The following ANK2 variants were observed in gnomAD, a reference collection of about 807,000 sequenced individuals.
ANK2 encodes ankyrin 2.
ANK2 carries 83 observed loss-of-function variants against 360.5 expected under a neutral mutation model. The ratio of observed to expected loss-of-function variants is 0.23; its 90% CI spans 0.19 to 0.28. ANK2 has a LOEUF of 0.28. ANK2 is among the 10% of genes least tolerant of loss of function. ANK2 has a pLI of 1.00. For synonymous variants in ANK2, 1,740 were observed against 1,759.5 expected (o/e 0.99, Z 0.28); for missense variants, 4,201 against 4,795.7 (o/e 0.88, Z 3.66).
intron 1 of ANK2, among the ~76,000 whole-genome samples, chr4:113,071,504 C>T (rs371448310): frequency 7.2e-5 from 11 of 152,258 alleles, no homozygotes; most frequent in South Asian, 2.1e-4. Flanking sequence ...GCTTCTCTTC[C>T]GAGACTCAAC....
intron 2 of ANK2, among the ~76,000 whole-genome samples, chr4:113,041,748 C>T (rs1381026613): frequency 6.6e-6 from 1 of 152,078 alleles, no homozygotes; most frequent in East Asian, 1.9e-4. Context: ...ACGTTTATTT[C>T]TCATAGGTTT....
At chr4:113,312,762 G>A (rs1362502891) in intron 24 of ANK2, among the ~76,000 whole-genome samples, 1 of 152,188 alleles carries the variant, frequency 6.6e-6, no homozygotes. Flanking sequence ...AGTGTTGCTG[G>A]AGTGTAAGTG....
intron 1 of ANK2, among the ~76,000 whole-genome samples, chr4:113,084,179 C>T (rs1404106606): frequency 6.6e-6 from 1 of 152,156 alleles, no homozygotes; most frequent in Non-Finnish European, 1.5e-5. Context: ...ACAGGCCAGG[C>T]CTGAAAGTGG....
intron 1 of ANK2, among the ~76,000 whole-genome samples, chr4:112,899,753 T>G (rs1174010287): frequency 1.3e-5 from 2 of 152,168 alleles, no homozygotes; most frequent in African/African-American, 4.8e-5. Flanking sequence ...AAATCCTTTG[T>G]CCATATCTGC....
chr4:113,201,557 T>C (rs2098831183), intron 4 of ANK2, among the ~76,000 whole-genome samples: 1 of 152,242 alleles, frequency 6.6e-6, no homozygotes, highest in Non-Finnish European at 1.5e-5. Context: ...TTAAATTCAA[T>C]TGTTCAGTGG....
At chr4:112,996,724 C>T (rs2048654881) in intron 2 of ANK2, among the ~76,000 whole-genome samples, 1 of 152,072 alleles carries the variant, frequency 6.6e-6, no homozygotes, top group African/African-American at 2.4e-5. Flanking sequence ...AAGCATTTGT[C>T]CTTTGAGTTA....
chr4:113,214,342 C>G, intron 4 of ANK2: 1 of 860,428 alleles, frequency 1.2e-6, no homozygotes, highest in Non-Finnish European at 1.9e-6. Flanking sequence ...ATAGGCTGCA[C>G]GTGGCCGCGG....
At chr4:112,719,840 C>A in the ANK2 span, among the ~76,000 whole-genome samples, 2 of 151,798 alleles carry the variant, frequency 1.3e-5, no homozygotes, top group Non-Finnish European at 2.9e-5. Flanking sequence ...GAGCTTGCAA[C>A]CTAAGATAGA....
At chr4:112,765,139 A>T in the ANK2 span, among the ~76,000 whole-genome samples, 1 of 152,236 alleles carries the variant, frequency 6.6e-6, no homozygotes, top group Admixed American at 6.5e-5. Context: ...GTTCATGCTG[A>T]ATATACCTCT....
intron 14 of ANK2, among the ~76,000 whole-genome samples, chr4:113,266,818 G>A (rs541047866): frequency 7.9e-5 from 12 of 152,156 alleles, no homozygotes; most frequent in African/African-American, 1.9e-4. Flanking sequence ...CGGAGGTTGC[G>A]GTGAGCTGAG....
intron 4 of ANK2, among the ~76,000 whole-genome samples, chr4:113,206,415 T>C (rs2098949050): frequency 6.6e-6 from 1 of 152,258 alleles, no homozygotes; most frequent in African/African-American, 2.4e-5. Flanking sequence ...GCAAAGGACA[T>C]GATCTTATTC....
intron 2 of ANK2, among the ~76,000 whole-genome samples, chr4:112,968,050 T>G (rs2154264437): frequency 6.6e-6 from 1 of 152,302 alleles, no homozygotes; most frequent in Non-Finnish European, 1.5e-5. Context: ...CCTCTCACCT[T>G]TTTTATTCCA....
intron 1 of ANK2, among the ~76,000 whole-genome samples, chr4:112,893,979 G>A (rs141220888): frequency 2.6e-5 from 4 of 152,164 alleles, no homozygotes; most frequent in East Asian, 3.9e-4. Flanking sequence ...CCTGGGCAAC[G>A]GAGCAACACT....
intron 22 of ANK2, among the ~76,000 whole-genome samples, chr4:113,296,964 A>C (rs908211964): frequency 6.6e-6 from 1 of 152,218 alleles, no homozygotes; most frequent in Non-Finnish European, 1.5e-5. Context: ...TAAAATAAAA[A>C]TATTATCTTA....
In ANK2 at chr4:113,258,030, C is replaced by G. The variant is rs1563221176; in HGVS notation, c.1189-20C>G. On this transcript the variant is annotated intron_variant, in intron 11 of 45. Transcript: ENST00000357077. Reference sequence around the variant, plus strand: ...ATTGTTTCTGCATGTTTTCAACTAACTTGATTGTCTTTTGCACAGAATGGT... The same window carrying G: ...ATTGTTTCTGCATGTTTTCAACTAAGTTGATTGTCTTTTGCACAGAATGGT... 1.9e-6 allele frequency: 3 copies of G among 1,603,824 alleles called. No homozygotes were observed. The highest frequency in any genetic ancestry group is 2.6e-6 in the Non-Finnish European group (3 of 1,170,646).
rs2096651464 is a variant in ANK2 at position 113,369,425 on chromosome 4, C to A, written c.11319-89C>A. ...TTGACTGTCATAGACTATGGAAAAA[C>A]CAGCTCCATCTTGCCTTTCGATTTC... On this transcript the variant is annotated intron_variant, in intron 42 of 45. Transcript: ENST00000357077. 5.7e-6 allele frequency: 8 copies of A among 1,402,776 alleles called. No homozygotes were observed. In the East Asian group the frequency reaches 1.6e-4, roughly 28 times the overall value. 86.9% of individuals were successfully genotyped at this position (1,402,776 alleles called of 1,614,324 possible). A position where few individuals can be genotyped will look rare whatever the true frequency, so the allele number is the denominator to read the frequency against.
At chr4:113,107,738 C>A (rs557853291) in intron 1 of ANK2, among the ~76,000 whole-genome samples, 1 of 152,242 alleles carries the variant, frequency 6.6e-6, no homozygotes, top group East Asian at 1.9e-4. Context: ...ATAGTAGTAT[C>A]ATTTATTGAT....
At chr4:113,118,917 AG>A (rs1297136694) in intron 1 of ANK2, among the ~76,000 whole-genome samples, 8 of 152,176 alleles carry the variant, frequency 5.3e-5, no homozygotes, top group African/African-American at 1.4e-4. Flanking sequence ...GCTTAGCTAG[AG>A]TACCATGCAT....
At chr4:113,370,928 A>G (rs1332010419) in intron 43 of ANK2, among the ~76,000 whole-genome samples, 5 of 152,194 alleles carry the variant, frequency 3.3e-5, no homozygotes, top group Non-Finnish European at 7.3e-5. Context: ...ATAACTCCCC[A>G]GAGGATTCTC....
Sources: allele counts gnomAD v4.1 joint callset (sites outside exome capture counted in the v4.1 genomes callset), GRCh38; gene constraint gnomAD v4.1.1; transcripts MANE v1.5; gene names NCBI Gene and HGNC (gene_info 2026-07-23, HGNC 2026-07-21).